Variants in HDAC9 observed in about 807,000 individuals in gnomAD.
The protein encoded by HDAC9 is histone deacetylase 9, also known as MEF-2 interacting transcription repressor (MITR) protein.
A neutral mutation model predicts 139.4 loss-of-function variants in HDAC9; 41 were observed. That is an observed-to-expected ratio of 0.29 (90% CI 0.23 to 0.38). The LOEUF (loss-of-function observed/expected upper bound fraction) is 0.38. HDAC9 is among the 10% of genes least tolerant of loss of function. HDAC9 has a pLI of 1.00. For missense variants in HDAC9, 1,147 were observed against 1,297.0 expected (o/e 0.88, Z 1.78); for synonymous variants, 517 against 476.2 (o/e 1.09, Z -1.12).
rs551432506 is a variant in HDAC9 at position 18,835,813 on chromosome 7, A to T, written c.2587-87A>T. 2.2e-5 allele frequency: 22 copies of T among 999,890 alleles called. No homozygotes were observed. The East Asian group carries it at 5.5e-4, about 25-fold the overall frequency. 61.9% of individuals were successfully genotyped at this position (999,890 alleles called of 1,614,324 possible). On this transcript the variant is annotated intron_variant, in intron 20 of 25. Coordinates refer to ENST00000686413, the MANE Select transcript of HDAC9 (RefSeq NM_178425.4). ...TGTGTTGTTTGATGTTTATTTCAAG[A>T]GCTCCCATGTGCTTGTTTTCCTCTC...
At chr7:18,532,885 A>G (rs957050112) in intron 2 of HDAC9, among the ~76,000 whole-genome samples, 4 of 151,678 alleles carry the variant, frequency 2.6e-5, no homozygotes, top group African/African-American at 9.7e-5. Flanking sequence ...TTGTTTATGC[A>G]TTTTAAGCAC....
chr7:18,995,914 CA>C, intron 25 of HDAC9, 108 bp from the exon 26 acceptor site: 2 of 756,692 alleles, frequency 2.6e-6, no homozygotes, highest in Non-Finnish European at 4.4e-6. Flanking sequence ...CTGAATAACA[CA>C]AATAAACATC....
intron 2 of HDAC9, among the ~76,000 whole-genome samples, chr7:18,538,182 G>C (rs781023097): frequency 6.6e-6 from 1 of 152,070 alleles, no homozygotes; most frequent in African/African-American, 2.4e-5. Context: ...ACATTCTCCC[G>C]TGGGGTCTCA....
chr7:18,556,003 T>A (rs1339037592), intron 2 of HDAC9, among the ~76,000 whole-genome samples: 1 of 152,078 alleles, frequency 6.6e-6, no homozygotes, highest in African/African-American at 2.4e-5. Flanking sequence ...TGGGATTTTC[T>A]TTTTATTTTC....
chr7:18,586,887 G>A (rs563875563), intron 3 of HDAC9, among the ~76,000 whole-genome samples: 1 of 152,222 alleles, frequency 6.6e-6, no homozygotes, highest in South Asian at 2.1e-4. Flanking sequence ...ATTTTTGAAT[G>A]AATACTGAAG....
chr7:18,422,081 C>T (rs1011039477), intron 1 of HDAC9, among the ~76,000 whole-genome samples: 2 of 152,098 alleles, frequency 1.3e-5, no homozygotes, highest in African/African-American at 4.8e-5. Flanking sequence ...ATTTATTTTC[C>T]AGATGATATA....
At chr7:18,124,899 CT>C (rs11433623) in intron 1 of HDAC9, among the ~76,000 whole-genome samples, 449 of 143,918 alleles carry the variant, frequency 3.1e-3, no homozygotes, top group Middle Eastern at 0.011. Context: ...CTTTCTTTTT[CT>C]TTTTTTTTTT....
intron 1 of HDAC9, among the ~76,000 whole-genome samples, chr7:18,113,144 G>A (rs747140308): frequency 2.6e-5 from 4 of 152,120 alleles, no homozygotes; most frequent in Non-Finnish European, 4.4e-5. Context: ...TTAAGTACAC[G>A]TACATTAAAA....
At chr7:18,347,701 G>A (rs926763253) in intron 1 of HDAC9, among the ~76,000 whole-genome samples, 6 of 152,036 alleles carry the variant, frequency 3.9e-5, no homozygotes, top group Non-Finnish European at 8.8e-5. Context: ...AGATTTAAGT[G>A]ATTCTCCTGC....
rs10235499 is a variant in HDAC9 at position 18,569,351 on chromosome 7, A to G, written c.23-15930A>G. Among the ~76,000 whole-genome samples the G allele has an allele frequency of 5.8e-3, 882 of 152,298 alleles. 12 individuals are homozygous for G. Among genetic ancestry groups the G allele is most frequent in the African/African-American group, 0.02 (843 of 41,564 alleles). On this transcript the variant is annotated intron_variant, in intron 2 of 25. Coordinates refer to ENST00000686413, the MANE Select transcript of HDAC9 (RefSeq NM_178425.4). ...TTTTCCCAACCATTAAAAATGTAAC[A>G]ATCATTCTTAGGTTGCAGGCCATAA...
chr7:18,146,145 C>G (rs1407863718), intron 1 of HDAC9, among the ~76,000 whole-genome samples: 2 of 152,152 alleles, frequency 1.3e-5, no homozygotes, highest in African/African-American at 4.8e-5. Flanking sequence ...TGAATGCTGT[C>G]ATGCTCTGAA....
chr7:18,517,833 A>G (rs1472810693), intron 2 of HDAC9: 1 of 152,234 alleles, frequency 6.6e-6, no homozygotes, highest in Non-Finnish European at 1.5e-5. Context: ...AGTGAAGACA[A>G]GAATCTTCTT....
At position 18,996,093 on chromosome 7, in the gene HDAC9, G is replaced by A. The variant is rs370950630; in HGVS notation, c.*31G>A. The A allele has an allele frequency of 4.5e-6, 7 of 1,562,230 alleles. No homozygotes were observed. Among genetic ancestry groups the A allele is most frequent in the Non-Finnish European group, 5.3e-6 (6 of 1,140,940 alleles). Reference sequence around the variant, plus strand: ...CAAGTCCCCCTCTGATATTTCCTGTGTGTGACATCATTGTGTATCCCCCCA... The same window carrying A: ...CAAGTCCCCCTCTGATATTTCCTGTATGTGACATCATTGTGTATCCCCCCA... On this transcript the variant is annotated 3_prime_UTR_variant, in exon 26 of 26. Coordinates refer to ENST00000686413, the MANE Select transcript of HDAC9 (RefSeq NM_178425.4).
Position 18,095,786 on chromosome 7 carries a change from C to G in HDAC9, c.-97+8573C>G, listed in dbSNP as rs144522437. 1.3e-4 allele frequency among the ~76,000 whole-genome samples: 20 copies of G among 152,280 alleles called. 1 individual carries two copies. In the East Asian group the frequency reaches 3.9e-3, roughly 29 times the overall value. ...GAATTGATGAAATTAAAAGAAACAA[C>G]ATTGAACTCTGTGACAAATGATGCT... is the stretch of plus-strand genomic sequence containing the variant. On this transcript the variant is annotated intron_variant, in intron 1 of 12. Transcript: ENST00000417496.
chr7:18,300,726 G>A (rs1585067226), intron 1 of HDAC9, among the ~76,000 whole-genome samples: 1 of 151,878 alleles, frequency 6.6e-6, no homozygotes, highest in Non-Finnish European at 1.5e-5. Flanking sequence ...TAAACAGACC[G>A]GTTATATTAA....
chr7:18,155,922 G>A (rs978393022), intron 1 of HDAC9, among the ~76,000 whole-genome samples: 2 of 152,112 alleles, frequency 1.3e-5, no homozygotes, highest in Admixed American at 6.6e-5. Context: ...TTAAATCACC[G>A]ACTGCATTGC....
In HDAC9 at chr7:18,629,371, T is replaced by G. The variant is rs1584346170; in HGVS notation, c.686T>G (p.Val229Gly). 1.9e-6 allele frequency: 3 copies of G among 1,600,230 alleles called. No homozygotes were observed. The highest frequency in any genetic ancestry group is 2.2e-5 in the South Asian group (2 of 89,038). Reference sequence around the variant, plus strand: ...CCAGCCTCTGAGCCCAACTTGAAGGTGCGGTCCAGGTTAAAACAGAAAGTG... The same window carrying G: ...CCAGCCTCTGAGCCCAACTTGAAGGGGCGGTCCAGGTTAAAACAGAAAGTG... ...RKTASEPNLK[V>G]RSRLKQKVAE... is the part of the protein sequence containing the mutation. The change falls in exon 7 of 26, where the codon GTG (valine) becomes GGG (glycine). Residue 229 changes from valine to glycine, a missense_variant. Physicochemically the swap from Val to Gly is moderately radical, Grantham distance 109. Coordinates refer to ENST00000686413, the MANE Select transcript of HDAC9 (RefSeq NM_178425.4).
chr7:18,959,138 T>C (rs761016074), intron 24 of HDAC9, among the ~76,000 whole-genome samples: 1 of 152,162 alleles, frequency 6.6e-6, no homozygotes, highest in Non-Finnish European at 1.5e-5. Context: ...GCCAGAGTTC[T>C]AAAACACCAC....
intron 25 of HDAC9, among the ~76,000 whole-genome samples, chr7:18,990,303 G>A (rs1021655768): frequency 6.6e-6 from 1 of 152,070 alleles, no homozygotes; most frequent in African/African-American, 2.4e-5. Flanking sequence ...TGGAGTACCT[G>A]GCCATGTGAG....
Sources: gnomAD v4.1 joint callset for allele counts (sites outside exome capture counted in the v4.1 genomes callset) on GRCh38, gnomAD v4.1.1 for gene constraint, MANE v1.5 for transcripts, NCBI Gene and HGNC (gene_info 2026-07-23, HGNC 2026-07-21) for gene names.